CNTLN: variants seen among roughly 807,000 people sequenced by gnomAD.
CNTLN encodes the protein centlein.
A neutral mutation model predicts 180.0 loss-of-function variants in CNTLN; 212 were observed. The observed-to-expected ratio is 1.18, with a 90% CI of 1.05 to 1.32. The LOEUF is 1.32. CNTLN is among the 40% of genes most tolerant of loss of function. The probability of loss-of-function intolerance (pLI) is 0.00; values close to 1 mark genes in which losing one functional copy is unlikely to be tolerated. For missense variants in CNTLN, 2,095 were observed against 1,610.9 expected (o/e 1.30, Z -5.14); for synonymous variants, 722 against 563.1 (o/e 1.28, Z -3.99).
chr9:17,365,106 C>T (rs1180485485), intron 12 of CNTLN, among the ~76,000 whole-genome samples: 1 of 152,062 alleles, frequency 6.6e-6, no homozygotes, highest in African/African-American at 2.4e-5. Flanking sequence ...GTGTCCCTGC[C>T]CAAATTTCAT....
At chr9:17,312,364 T>TATATATATATA (rs369729227) in intron 8 of CNTLN, among the ~76,000 whole-genome samples, 11 of 20,176 alleles carry the variant, frequency 5.5e-4, no homozygotes, top group African/African-American at 6.9e-4. Flanking sequence ...TATATATATA[T>TATATATATATA]TATATATATA....
intron 12 of CNTLN, among the ~76,000 whole-genome samples, chr9:17,345,192 A>C (rs2133238531): frequency 6.6e-6 from 1 of 152,306 alleles, no homozygotes; most frequent in Middle Eastern, 3.4e-3. Flanking sequence ...GTGTGAACAT[A>C]ACTTTTATTT....
intron 10 of CNTLN, among the ~76,000 whole-genome samples, chr9:17,334,137 G>A (rs10963041): frequency 0.23 from 34,469 of 151,906 alleles, 4,199 homozygotes; most frequent in South Asian, 0.37. Flanking sequence ...TCGGCTCACT[G>A]CACCCTCTGC....
At chr9:17,263,444 G>A (rs10962967) in intron 5 of CNTLN, among the ~76,000 whole-genome samples, 2,678 of 151,182 alleles carry the variant, frequency 0.018, 45 homozygotes, top group Non-Finnish European at 0.031. Context: ...GTCTGTCTTT[G>A]TTGGGCATTT....
At chr9:17,478,062 C>A (rs141523663) in intron 23 of CNTLN, among the ~76,000 whole-genome samples, 3 of 152,322 alleles carry the variant, frequency 2.0e-5, no homozygotes, top group Admixed American at 6.5e-5. Context: ...GCAAGACTCT[C>A]CACTAGCAAA....
At chr9:17,410,975 C>T (rs1827801739) in intron 16 of CNTLN, among the ~76,000 whole-genome samples, 1 of 152,142 alleles carries the variant, frequency 6.6e-6, no homozygotes, top group African/African-American at 2.4e-5. Flanking sequence ...AGAGTCTCTT[C>T]TTGGTCCTTT....
At chr9:17,295,997 A>T (rs2990671) in intron 6 of CNTLN, among the ~76,000 whole-genome samples, 1,026 of 91,226 alleles carry the variant, frequency 0.011, 8 homozygotes, top group African/African-American at 0.038. Flanking sequence ...AGAGAGAGAG[A>T]GTGTGTGTGT....
At chr9:17,351,759 C>T (rs1340157316) in intron 12 of CNTLN, among the ~76,000 whole-genome samples, 1 of 152,170 alleles carries the variant, frequency 6.6e-6, no homozygotes, top group Non-Finnish European at 1.5e-5. Flanking sequence ...AACAGTGCTG[C>T]AGATTGACCT....
At chr9:17,222,768 A>C (rs1218754914) in intron 2 of CNTLN, among the ~76,000 whole-genome samples, 6 of 152,004 alleles carry the variant, frequency 3.9e-5, no homozygotes, top group African/African-American at 1.4e-4. Flanking sequence ...GGTATACTTG[A>C]TCATTCCTTT....
chr9:17,251,799 A>G (rs1242788184), intron 5 of CNTLN, among the ~76,000 whole-genome samples: 1 of 151,878 alleles, frequency 6.6e-6, no homozygotes, highest in Non-Finnish European at 1.5e-5. Flanking sequence ...TCCCAAGTAT[A>G]GGAACCTGAG....
chr9:17,512,912 G>A, the CNTLN span, among the ~76,000 whole-genome samples: 1 of 152,134 alleles, frequency 6.6e-6, no homozygotes, highest in African/African-American at 2.4e-5. Flanking sequence ...CGCCTCCCGG[G>A]TTCACGCCAT....
At chr9:17,295,300 G>A (rs540652849) in intron 6 of CNTLN, among the ~76,000 whole-genome samples, 2 of 152,324 alleles carry the variant, frequency 1.3e-5, no homozygotes, top group South Asian at 2.1e-4. Flanking sequence ...GGGCTGAAGG[G>A]CTGCTCAAGC....
intron 12 of CNTLN, among the ~76,000 whole-genome samples, chr9:17,360,868 G>A (rs146523499): frequency 1.3e-5 from 2 of 152,188 alleles, no homozygotes; most frequent in East Asian, 1.9e-4. Context: ...ATGTTCCATG[G>A]CACTTGAAAA....
intron 14 of CNTLN, 95 bp from the exon 15 acceptor site, chr9:17,394,439 C>G: frequency 1.0e-6 from 1 of 982,092 alleles, no homozygotes; most frequent in Non-Finnish European, 1.4e-6. Flanking sequence ...TGTCCTTGTG[C>G]TAAATGTGAT....
chr9:17,327,590 T>A (rs1460386506), intron 8 of CNTLN, among the ~76,000 whole-genome samples: 1 of 151,982 alleles, frequency 6.6e-6, no homozygotes, highest in Non-Finnish European at 1.5e-5. Context: ...ATATTTCCCT[T>A]ACCTATACTG....
chr9:17,388,217 G>T lies in CNTLN; in HGVS notation c.2043G>T (p.Lys681Asn), dbSNP rs1420352823. 6.2e-7 allele frequency: 1 copy of T among 1,612,316 alleles called. No homozygotes were observed. The highest frequency in any genetic ancestry group is 1.3e-5 in the African/African-American group (1 of 74,996). ...AGGTCAAGAGGAGTACTCCAGAGAA[G>T]AATGGAAAAGAAATGTTGGAGCAGA... ...DDEVKRSTPE[K>N]NGKEMLEQTL... Residue 681 changes from lysine (K) to asparagine (N), a missense_variant, in exon 14 of 26, where the codon AAG (lysine) becomes AAT (asparagine). By Grantham distance (94) the Lys-to-Asn change is moderately conservative. Transcript: ENST00000380647.
chr9:17,488,901 A>C (rs1360721950), intron 25 of CNTLN, among the ~76,000 whole-genome samples: 2 of 152,120 alleles, frequency 1.3e-5, no homozygotes, highest in Non-Finnish European at 2.9e-5. Context: ...TGTTGCTGTT[A>C]TACGTAATGA....
intron 18 of CNTLN, among the ~76,000 whole-genome samples, chr9:17,456,554 A>G (rs1831127113): frequency 6.6e-6 from 1 of 152,134 alleles, no homozygotes; most frequent in Non-Finnish European, 1.5e-5. Context: ...TAGTGTTAAT[A>G]CTTAAGTAAC....
chr9:17,320,957 A>G (rs938931470), intron 8 of CNTLN, among the ~76,000 whole-genome samples: 2 of 152,206 alleles, frequency 1.3e-5, no homozygotes, highest in African/African-American at 4.8e-5. Context: ...TTATCTTCTC[A>G]CAGTATGTGA....
Sources: allele counts gnomAD v4.1 joint callset (sites outside exome capture counted in the v4.1 genomes callset), GRCh38; gene constraint gnomAD v4.1.1; transcripts MANE v1.5; gene names NCBI Gene and HGNC (gene_info 2026-07-23, HGNC 2026-07-21).